The following GUCY1A2 variants were observed in gnomAD, a reference collection of about 807,000 sequenced individuals.
GUCY1A2 encodes the protein guanylate cyclase 1 soluble subunit alpha 2, also known as guanylate cyclase soluble subunit alpha-2.
Under a neutral mutation model 63.5 loss-of-function variants are expected in GUCY1A2, and 27 were observed. The observed-to-expected ratio is 0.43, with a 90% CI of 0.31 to 0.59. The LOEUF (loss-of-function observed/expected upper bound fraction) is 0.59, where lower values mean the gene tolerates loss of function less well. Among genes scored for constraint, GUCY1A2 ranks in the 20% least tolerant of loss-of-function variants. GUCY1A2 has a pLI of 0.11. For synonymous variants in GUCY1A2, 364 were observed against 343.5 expected (o/e 1.06, Z -0.66); for missense variants, 768 against 913.3 (o/e 0.84, Z 2.05).
rs1204067711 is a variant in GUCY1A2 at position 106,684,633 on chromosome 11, G to A, written c.*2916C>T. Reference sequence around the variant, plus strand: ...TGGTGCTAATGGCTAGTTATAAGGTGCCTTCTTCCAAACAGCAGCTTAAAA... The same window carrying A: ...TGGTGCTAATGGCTAGTTATAAGGTACCTTCTTCCAAACAGCAGCTTAAAA... On this transcript the variant is annotated 3_prime_UTR_variant, in exon 8 of 8. Coordinates refer to ENST00000526355, the MANE Select transcript of GUCY1A2 (RefSeq NM_000855.3). The A allele has an allele frequency of 1.0e-5, 2 of 200,790 alleles. No homozygotes were observed. The highest frequency in any genetic ancestry group is 1.0e-5 in the Non-Finnish European group (1 of 97,476). 12.4% of individuals were successfully genotyped at this position (200,790 alleles called of 1,614,324 possible). A position where few individuals can be genotyped will look rare whatever the true frequency, so the allele number is the denominator to read the frequency against.
chr11:106,926,959 T>C (rs1860532434), intron 4 of GUCY1A2, among the ~76,000 whole-genome samples: 1 of 150,276 alleles, frequency 6.7e-6, no homozygotes, highest in Admixed American at 6.6e-5. Flanking sequence ...AATGGACAAT[T>C]GTGCATTCTC....
chr11:106,703,525 T>A (rs902607006), intron 7 of GUCY1A2, among the ~76,000 whole-genome samples: 2 of 143,574 alleles, frequency 1.4e-5, no homozygotes, highest in Non-Finnish European at 3.0e-5. Flanking sequence ...TTGGCTTTGA[T>A]GATGGAAGAA....
chr11:106,980,151 G>T (rs1380076835), intron 2 of GUCY1A2, among the ~76,000 whole-genome samples: 2 of 152,146 alleles, frequency 1.3e-5, no homozygotes, highest in African/African-American at 4.8e-5. Flanking sequence ...GAGCAAAATT[G>T]GGAGCAACCT....
chr11:106,811,277 A>G (rs1858758846), intron 4 of GUCY1A2, among the ~76,000 whole-genome samples: 1 of 152,112 alleles, frequency 6.6e-6, no homozygotes, highest in Non-Finnish European at 1.5e-5. Context: ...GCTTATGCCC[A>G]GTAGCCTAAT....
intron 4 of GUCY1A2, among the ~76,000 whole-genome samples, chr11:106,860,620 T>C (rs1260083396): frequency 6.6e-6 from 1 of 151,950 alleles, no homozygotes; most frequent in African/African-American, 2.4e-5. Flanking sequence ...AGTGAGAGCA[T>C]AATGAATTCT....
At position 106,881,852 on chromosome 11, in the gene GUCY1A2, G is replaced by A. The variant is rs116845957; in HGVS notation, c.1206+57608C>T. 8.3e-3 allele frequency among the ~76,000 whole-genome samples: 1,255 copies of A among 152,008 alleles called. 16 individuals carry two copies. Among genetic ancestry groups the A allele is most frequent in the Middle Eastern group, 0.014 (4 of 294 alleles). ...TTTTATAGGATTTCTGAAATGTTGC[G>A]TACTAATAAAGGGATATTATTATAG... is the stretch of plus-strand genomic sequence containing the variant. On this transcript the variant is annotated intron_variant, in intron 4 of 7. Coordinates refer to ENST00000526355, the MANE Select transcript of GUCY1A2 (RefSeq NM_000855.3).
chr11:106,721,064 A>ATTT (rs1285240704), intron 6 of GUCY1A2, among the ~76,000 whole-genome samples: 2 of 102,588 alleles, frequency 1.9e-5, no homozygotes, highest in African/African-American at 4.0e-5. Context: ...CATATTTGCA[A>ATTT]ATTTTTTTTT....
In GUCY1A2 at chr11:106,687,548, C is replaced by T; in HGVS notation, c.*1G>A. ...GAGGAGTCTTTGATCTGTAGCAGGTCTCAGAGGCTTGTCTCCCGGAGGAAC... is the reference window on the plus strand; with the variant it reads ...GAGGAGTCTTTGATCTGTAGCAGGTTTCAGAGGCTTGTCTCCCGGAGGAAC... On this transcript the variant is annotated 3_prime_UTR_variant, in exon 8 of 8. Coordinates refer to ENST00000526355, the MANE Select transcript of GUCY1A2 (RefSeq NM_000855.3). 1.2e-6 allele frequency: 2 copies of T among 1,611,312 alleles called. No homozygotes were observed. The highest frequency in any genetic ancestry group is 1.7e-6 in the Non-Finnish European group (2 of 1,177,476).
intron 5 of GUCY1A2, among the ~76,000 whole-genome samples, chr11:106,799,984 T>C (rs1471393290): frequency 1.3e-5 from 2 of 152,056 alleles, no homozygotes; most frequent in Non-Finnish European, 1.5e-5. Context: ...ATTTTTGCAA[T>C]TTACTCATCT....
intron 6 of GUCY1A2, among the ~76,000 whole-genome samples, chr11:106,725,135 T>C (rs2135366487): frequency 6.6e-6 from 1 of 150,588 alleles, no homozygotes; most frequent in African/African-American, 2.4e-5. Flanking sequence ...CTATGTATCT[T>C]CTTATTGACA....
At chr11:106,729,726 T>C (rs138382689) in intron 6 of GUCY1A2, among the ~76,000 whole-genome samples, 2 of 152,230 alleles carry the variant, frequency 1.3e-5, no homozygotes, top group Admixed American at 6.5e-5. Flanking sequence ...CAATTAATTA[T>C]GCCAGGCTAG....
chr11:106,813,260 A>C (rs1410163219), intron 4 of GUCY1A2, among the ~76,000 whole-genome samples: 1 of 151,974 alleles, frequency 6.6e-6, no homozygotes, highest in Non-Finnish European at 1.5e-5. Flanking sequence ...CAAGCATAAC[A>C]AAGGGGAGTA....
intron 1 of GUCY1A2, among the ~76,000 whole-genome samples, chr11:107,017,017 T>A (rs1304007961): frequency 6.6e-6 from 1 of 151,956 alleles, no homozygotes; most frequent in Non-Finnish European, 1.5e-5. Context: ...CCTGCACATG[T>A]AACCCGGGAC....
At chr11:106,823,441 C>T (rs1858928538) in intron 4 of GUCY1A2, among the ~76,000 whole-genome samples, 1 of 152,060 alleles carries the variant, frequency 6.6e-6, no homozygotes, top group Admixed American at 6.5e-5. Flanking sequence ...TTTTTCATGG[C>T]CATATAGTAT....
At chr11:106,836,645 C>A (rs747379060) in intron 4 of GUCY1A2, among the ~76,000 whole-genome samples, 1 of 151,838 alleles carries the variant, frequency 6.6e-6, no homozygotes, top group Non-Finnish European at 1.5e-5. Flanking sequence ...TACACAAAAA[C>A]CAAGAGAGGT....
intron 6 of GUCY1A2, among the ~76,000 whole-genome samples, chr11:106,728,246 C>T (rs1271088186): frequency 1.3e-5 from 2 of 152,152 alleles, no homozygotes; most frequent in Non-Finnish European, 2.9e-5. Context: ...ATCTTCAACA[C>T]TCGTGTCATA....
intron 4 of GUCY1A2, among the ~76,000 whole-genome samples, chr11:106,836,337 AAAAT>A (rs1859116851): frequency 2.0e-5 from 3 of 152,016 alleles, no homozygotes; most frequent in African/African-American, 7.2e-5. Context: ...AAGCTAGAGA[AAAAT>A]AAAATGTTAT....
intron 6 of GUCY1A2, among the ~76,000 whole-genome samples, chr11:106,715,010 G>C (rs1255056945): frequency 6.6e-6 from 1 of 152,138 alleles, no homozygotes; most frequent in Non-Finnish European, 1.5e-5. Context: ...ATTTGTCCTA[G>C]GGATTTATTG....
chr11:106,791,460 G>A (rs1864658540), intron 5 of GUCY1A2, among the ~76,000 whole-genome samples: 1 of 129,994 alleles, frequency 7.7e-6, no homozygotes, highest in Non-Finnish European at 1.6e-5. Flanking sequence ...ACCTGATTCT[G>A]GTTCTTATGG....
Sources: gnomAD v4.1 joint callset for allele counts (sites outside exome capture counted in the v4.1 genomes callset) on GRCh38, gnomAD v4.1.1 for gene constraint, MANE v1.5 for transcripts, NCBI Gene and HGNC (gene_info 2026-07-23, HGNC 2026-07-21) for gene names.